The following PHLDB2 variants were observed in gnomAD, a reference collection of about 807,000 sequenced individuals.
PHLDB2 encodes the protein pleckstrin homology-like domain family B member 2.
In PHLDB2, 71 loss-of-function variants were observed where a neutral mutation model predicts 123.6. The ratio of observed to expected loss-of-function variants is 0.57; its 90% CI spans 0.47 to 0.70. The LOEUF (loss-of-function observed/expected upper bound fraction) is 0.70, where lower values mean the gene tolerates loss of function less well. Ranked by LOEUF, PHLDB2 falls within the 30% of genes least tolerant of loss-of-function variation. The pLI is 0.00. For synonymous variants in PHLDB2, 547 were observed against 541.6 expected, an observed-to-expected ratio of 1.01 and a Z score of -0.14; for missense variants, 1,446 against 1,519.5, an observed-to-expected ratio of 0.95 and a Z score of 0.80.
At chr3:111,916,701 A>G (rs892171189) in intron 3 of PHLDB2, 4 of 152,138 alleles carry the variant, frequency 2.6e-5, no homozygotes, top group Admixed American at 6.5e-5. Flanking sequence ...AGTTGTCTGG[A>G]AAGTGGCTCA....
At chr3:111,753,846 C>T (rs2059831009) in intron 1 of PHLDB2, among the ~76,000 whole-genome samples, 1 of 152,154 alleles carries the variant, frequency 6.6e-6, no homozygotes, top group South Asian at 2.1e-4. Flanking sequence ...AGGAAGGGAT[C>T]CAGTTTCAGC....
chr3:111,791,484 C>T (rs905105144), intron 1 of PHLDB2, among the ~76,000 whole-genome samples: 6 of 152,282 alleles, frequency 3.9e-5, no homozygotes, highest in Middle Eastern at 3.4e-3. Flanking sequence ...CAATTTGTCA[C>T]GGGGTAGATA....
chr3:111,895,909 G>A (rs2066834971), intron 2 of PHLDB2, among the ~76,000 whole-genome samples: 1 of 140,256 alleles, frequency 7.1e-6, no homozygotes, highest in Non-Finnish European at 1.5e-5. Context: ...TTTATATGGA[G>A]ATACATTAAG....
In PHLDB2 at chr3:111,970,027, A is replaced by G; in HGVS notation, c.3535+118A>G. 8.1e-6 allele frequency: 7 copies of G among 859,232 alleles called. No homozygotes were observed. The South Asian group carries it at 8.2e-5, about 10-fold the overall frequency. 53.2% of individuals were successfully genotyped at this position (859,232 alleles called of 1,614,324 possible). A position where few individuals can be genotyped will look rare whatever the true frequency, so the allele number is the denominator to read the frequency against. ...TTGATACATAACAGAATTAATGGCA[A>G]TATTAGATTTGTAGGTGTACATTAT... On this transcript the variant is annotated intron_variant, in intron 16 of 17. Coordinates refer to ENST00000431670, the MANE Select transcript of PHLDB2 (RefSeq NM_001134438.2).
intron 1 of PHLDB2, among the ~76,000 whole-genome samples, chr3:111,791,506 T>G (rs1286419044): frequency 6.6e-6 from 1 of 152,210 alleles, no homozygotes; most frequent in Non-Finnish European, 1.5e-5. Flanking sequence ...ATGCTTACCT[T>G]TAAGAGATAA....
At chr3:111,947,803 T>C (rs1435389783) in intron 9 of PHLDB2, among the ~76,000 whole-genome samples, 2 of 152,174 alleles carry the variant, frequency 1.3e-5, no homozygotes, top group Non-Finnish European at 2.9e-5. Flanking sequence ...TTATAAACAA[T>C]CAACTCTAGC....
intron 1 of PHLDB2, 104 bp from the exon 2 acceptor site, chr3:111,883,960 A>G (rs969922587): frequency 8.3e-6 from 9 of 1,084,358 alleles, no homozygotes; most frequent in Non-Finnish European, 1.2e-5. Context: ...TGTTAGTTGC[A>G]TTAGGTCAGA....
chr3:111,949,651 A>T (rs1215498541), intron 10 of PHLDB2: 11 of 870,498 alleles, frequency 1.3e-5, no homozygotes, highest in Non-Finnish European at 1.5e-5. Context: ...TCTATGTCTT[A>T]TTCTTTCATT....
chr3:111,819,804 T>A (rs2062281075), intron 1 of PHLDB2, among the ~76,000 whole-genome samples: 1 of 152,202 alleles, frequency 6.6e-6, no homozygotes, highest in Admixed American at 6.5e-5. Flanking sequence ...TTTATCTGTT[T>A]ACCCCAAAGA....
At chr3:111,886,243 G>A (rs1009734522) in intron 2 of PHLDB2, among the ~76,000 whole-genome samples, 9 of 152,186 alleles carry the variant, frequency 5.9e-5, no homozygotes, top group Non-Finnish European at 1.0e-4. Context: ...CAGCAACACA[G>A]TAGGATTATC....
intron 11 of PHLDB2, among the ~76,000 whole-genome samples, chr3:111,952,988 A>C (rs2070806106): frequency 6.6e-6 from 1 of 152,150 alleles, no homozygotes; most frequent in Non-Finnish European, 1.5e-5. Context: ...CCGTGGCTGC[A>C]TCCCACATCT....
At chr3:111,808,971 A>G (rs553978738) in intron 1 of PHLDB2, among the ~76,000 whole-genome samples, 3 of 152,338 alleles carry the variant, frequency 2.0e-5, no homozygotes, top group East Asian at 1.9e-4. Context: ...GTACATACAC[A>G]TAAATAATAT....
chr3:111,844,503 T>C (rs1319519154), intron 1 of PHLDB2, among the ~76,000 whole-genome samples: 1 of 152,234 alleles, frequency 6.6e-6, no homozygotes, highest in Non-Finnish European at 1.5e-5. Flanking sequence ...GTTGGCTTGA[T>C]GCGTTGTACC....
rs1161976017 is a variant in PHLDB2, at chr3:111,962,117, A to G, written c.2882A>G (p.His961Arg). The change falls in exon 13 of 18, where the codon CAC becomes CGC. Residue 961 changes from histidine to arginine, a missense_variant. By Grantham distance (29) the His-to-Arg change is conservative. Transcript: ENST00000431670. ...ESRRMLRGYN[H>R]QQMSEGHRQK... ...ATGGCTCCTTCCTTAGGTTATAATC[A>G]CCAACAGATGAGTGAAGGACACAGG... 2 of 1,578,266 alleles carry G rather than the reference A, an allele frequency of 1.3e-6. No individual in the cohort carries two copies. The highest frequency in any genetic ancestry group is 1.2e-5 in the South Asian group (1 of 84,010).
At chr3:111,816,787 C>T (rs540620790) in intron 1 of PHLDB2, among the ~76,000 whole-genome samples, 1 of 152,236 alleles carries the variant, frequency 6.6e-6, no homozygotes, top group East Asian at 1.9e-4. Context: ...GAGGGGCCAA[C>T]AGTGGAATGA....
At chr3:111,829,669 G>A (rs796740724) in intron 1 of PHLDB2, among the ~76,000 whole-genome samples, 2 of 151,638 alleles carry the variant, frequency 1.3e-5, no homozygotes, top group Non-Finnish European at 2.9e-5. Context: ...TCACCATGTT[G>A]GTCAGGGTGG....
intron 1 of PHLDB2, among the ~76,000 whole-genome samples, chr3:111,877,068 C>T (rs1411960214): frequency 6.6e-6 from 1 of 152,118 alleles, no homozygotes; most frequent in African/African-American, 2.4e-5. Flanking sequence ...GATTTATAAT[C>T]CTTTGGGTAT....
chr3:111,746,386 A>T (rs1576497414), intron 1 of PHLDB2, among the ~76,000 whole-genome samples: 1 of 152,342 alleles, frequency 6.6e-6, no homozygotes, highest in East Asian at 1.9e-4. Context: ...AAGGGAAGAA[A>T]TTATCAAAAA....
intron 12 of PHLDB2, among the ~76,000 whole-genome samples, chr3:111,956,018 G>A (rs972834658): frequency 2.0e-5 from 3 of 152,132 alleles, no homozygotes; most frequent in African/African-American, 7.2e-5. Context: ...AACATAGTGA[G>A]ATCCCATCTC....
Sources: gnomAD v4.1 joint callset for allele counts (sites outside exome capture counted in the v4.1 genomes callset) on GRCh38, gnomAD v4.1.1 for gene constraint, MANE v1.5 for transcripts, NCBI Gene and HGNC (gene_info 2026-07-23, HGNC 2026-07-21) for gene names.